The following KLF9 variants were observed in gnomAD, a reference collection of about 807,000 sequenced individuals.
KLF9 encodes Krueppel-like factor 9.
A neutral mutation model predicts 17.3 loss-of-function variants in KLF9; 2 were observed. The ratio of observed to expected loss-of-function variants is 0.12; its 90% CI spans 0.05 to 0.36. The LOEUF (loss-of-function observed/expected upper bound fraction) is 0.36, where lower values mean the gene tolerates loss of function less well. Ranked by LOEUF, KLF9 falls within the 10% of genes least tolerant of loss-of-function variation. The probability of loss-of-function intolerance (pLI) is 1.00; values close to 1 mark genes in which losing one functional copy is unlikely to be tolerated. For synonymous variants in KLF9, 138 were observed against 139.2 expected, an observed-to-expected ratio of 0.99 and a Z score of 0.06; for missense variants, 226 against 333.2, an observed-to-expected ratio of 0.68 and a Z score of 2.51.
At chr9:70,390,409 G>A (rs940301074) in intron 1 of KLF9, among the ~76,000 whole-genome samples, 3 of 152,012 alleles carry the variant, frequency 2.0e-5, no homozygotes, top group African/African-American at 7.2e-5. Flanking sequence ...AAAAAAAAGA[G>A]TTTCCCGTGA....
chr9:70,390,016 C>T lies in KLF9; in HGVS notation c.506-2011G>A, dbSNP rs572672993. Among the ~76,000 whole-genome samples the T allele has an allele frequency of 7.6e-4, 115 of 152,280 alleles. 1 individual carries two copies. The highest frequency in any genetic ancestry group is 2.6e-3 in the African/African-American group (110 of 41,556). On this transcript the variant is annotated intron_variant, in intron 1 of 1. Transcript: ENST00000377126. ...TCCAGCGTGGTGCATTTGAGTCATC[C>T]AAAATTATTCATTCTATTTTCCCCA...
chr9:70,399,985 A>G (rs2037210658), intron 1 of KLF9, among the ~76,000 whole-genome samples: 2 of 152,248 alleles, frequency 1.3e-5, no homozygotes, highest in African/African-American at 4.8e-5. Flanking sequence ...AAGAGCTGGT[A>G]GGACTGTATT....
intron 1 of KLF9, among the ~76,000 whole-genome samples, chr9:70,403,991 C>A (rs1200982156): frequency 6.6e-6 from 1 of 152,062 alleles, no homozygotes; most frequent in African/African-American, 2.4e-5. Context: ...CTCAAGGGGT[C>A]CAGATCAGCA....
intron 1 of KLF9, among the ~76,000 whole-genome samples, chr9:70,393,243 T>C (rs769658935): frequency 6.6e-6 from 1 of 152,238 alleles, no homozygotes; most frequent in Admixed American, 6.5e-5. Flanking sequence ...CCCCTGGCTA[T>C]GTGCTTGCCT....
In KLF9 at chr9:70,385,235, A is replaced by G. The variant is rs2037101599; in HGVS notation, c.*2541T>C. 6.5e-6 allele frequency: 1 copy of G among 152,698 alleles called. No homozygotes were observed. The highest frequency in any genetic ancestry group is 1.5e-5 in the Non-Finnish European group (1 of 68,052). 9.5% of individuals were successfully genotyped at this position (152,698 alleles called of 1,614,324 possible). ...GTTTTAGTGTTCAATGAACTCTAGT[A>G]GTCCTATTTGAACCATATCTTGATA... On this transcript the variant is annotated 3_prime_UTR_variant, in exon 2 of 2. Transcript: ENST00000377126.
At position 70,387,765 on chromosome 9, in the gene KLF9, CG is replaced by C. The variant is rs1766061381; in HGVS notation, c.*10del. The C allele has an allele frequency of 6.2e-7, 1 of 1,610,840 alleles. No individual in the cohort carries two copies. The highest frequency in any genetic ancestry group is 1.3e-5 in the African/African-American group (1 of 74,832). ...GGGGTCCATCCCTCCCTGGCTTCCA[CG>C]GGCAGCACCTCACAAAGCGTTGGCC... On this transcript the variant is annotated 3_prime_UTR_variant, in exon 2 of 2. Transcript: ENST00000377126.
chr9:70,388,877 C>T (rs967005359), intron 1 of KLF9, among the ~76,000 whole-genome samples: 4 of 152,198 alleles, frequency 2.6e-5, no homozygotes, highest in Admixed American at 2.0e-4. Context: ...TAATCCCTCA[C>T]GCCTGTAATC....
rs2037346109 is a variant in KLF9, at chr9:70,413,509, C to T, written c.-146G>A. 2.4e-6 allele frequency: 2 copies of T among 850,122 alleles called. No individual in the cohort carries two copies. Among genetic ancestry groups the T allele is most frequent in the Non-Finnish European group, 1.5e-6 (1 of 655,104 alleles). The allele number at this position is 850,122 out of a possible 1,614,324, so 52.7% of individuals were successfully genotyped here. On this transcript the variant is annotated 5_prime_UTR_variant, in exon 1 of 2. Coordinates refer to ENST00000377126, the MANE Select transcript of KLF9 (RefSeq NM_001206.4). The surrounding 1 kb of genome is among the most constrained non-coding windows in gnomAD (Gnocchi z 5.6). ...AAGGGGGCGGGGGCGCGGGGCGCTT[C>T]CGACTCGCAGGAGCGCCGAGGCGAC... is the stretch of plus-strand genomic sequence containing the variant.
At chr9:70,391,253 T>C (rs1431417759) in intron 1 of KLF9, among the ~76,000 whole-genome samples, 1 of 152,194 alleles carries the variant, frequency 6.6e-6, no homozygotes, top group Non-Finnish European at 1.5e-5. Context: ...CATGGAAAAC[T>C]GGCATGAAGC....
At chr9:70,409,058 GTGTATATATATGTGTATATA>G (rs1564089174) in intron 1 of KLF9, among the ~76,000 whole-genome samples, 2 of 79,652 alleles carry the variant, frequency 2.5e-5, no homozygotes, top group African/African-American at 8.2e-5. Context: ...ATACATATAT[GTGTATATATATGTGTATATA>G]TATACACATA....
In KLF9 at chr9:70,413,390, C is replaced by T. The variant is rs1462760165; in HGVS notation, c.-27G>A. On this transcript the variant is annotated 5_prime_UTR_variant, in exon 1 of 2. Transcript: ENST00000377126. This position sits in a 1 kb window ranked among gnomAD's most constrained non-coding sequence, Gnocchi z 5.6. ...GTGCGGGCGACGGCAGCCCAGGCGGCGCGGACAAACTTGGCGGTGGCTGCG... is the reference window on the plus strand; with the variant it reads ...GTGCGGGCGACGGCAGCCCAGGCGGTGCGGACAAACTTGGCGGTGGCTGCG... 14 of 1,466,444 alleles carry T rather than the reference C, an allele frequency of 9.5e-6. No individual in the cohort carries two copies. The highest frequency in any genetic ancestry group is 1.2e-5 in the Non-Finnish European group (13 of 1,111,124). 90.8% of individuals were successfully genotyped at this position (1,466,444 alleles called of 1,614,324 possible). A position where few individuals can be genotyped will look rare whatever the true frequency, so the allele number is the denominator to read the frequency against.
At chr9:70,400,471 C>T (rs186080159) in intron 1 of KLF9, among the ~76,000 whole-genome samples, 52 of 152,118 alleles carry the variant, frequency 3.4e-4, no homozygotes, top group Admixed American at 6.5e-4. Context: ...CAAGGGACCC[C>T]GAATTAGAGA....
chr9:70,399,827 CAG>C (rs773036000), intron 1 of KLF9, among the ~76,000 whole-genome samples: 2 of 152,174 alleles, frequency 1.3e-5, no homozygotes, highest in African/African-American at 2.4e-5. Context: ...TGCATTGCCT[CAG>C]GGGGATCAGA....
At chr9:70,390,913 G>C (rs529526496) in intron 1 of KLF9, among the ~76,000 whole-genome samples, 1 of 152,274 alleles carries the variant, frequency 6.6e-6, no homozygotes, top group South Asian at 2.1e-4. Context: ...CTCTCTGCTC[G>C]GTCCTTTTTG....
At chr9:70,395,355 G>A (rs1332976293) in intron 1 of KLF9, among the ~76,000 whole-genome samples, 4 of 151,902 alleles carry the variant, frequency 2.6e-5, no homozygotes, top group Non-Finnish European at 5.9e-5. Context: ...AAAAAATAAA[G>A]CCATAACGAT....
At chr9:70,411,288 G>T (rs2037310718) in intron 1 of KLF9, among the ~76,000 whole-genome samples, 1 of 152,172 alleles carries the variant, frequency 6.6e-6, no homozygotes, top group Non-Finnish European at 1.5e-5. Flanking sequence ...AGTGGGTGTC[G>T]ATGGGAACAA....
chr9:70,397,967 G>C (rs1413517849), intron 1 of KLF9, among the ~76,000 whole-genome samples: 3 of 152,164 alleles, frequency 2.0e-5, no homozygotes, highest in Non-Finnish European at 4.4e-5. Context: ...CCTGGGTACA[G>C]AGAAGTCCAC....
At chr9:70,412,440 C>CTCGG (rs2037327632) in intron 1 of KLF9, among the ~76,000 whole-genome samples, 3 of 152,176 alleles carry the variant, frequency 2.0e-5, no homozygotes, top group African/African-American at 4.8e-5. Flanking sequence ...CGCGTCCCCC[C>CTCGG]TCGGTTTCAA....
Position 70,387,774 on chromosome 9 carries a change from C to T in KLF9, c.*2G>A. On this transcript the variant is annotated 3_prime_UTR_variant, in exon 2 of 2. Coordinates refer to ENST00000377126, the MANE Select transcript of KLF9 (RefSeq NM_001206.4). ...CCCTCCCTGGCTTCCACGGGCAGCA[C>T]CTCACAAAGCGTTGGCCAGCGCCTT... The T allele has an allele frequency of 6.2e-7, 1 of 1,613,578 alleles. No homozygotes were observed. Among genetic ancestry groups the T allele is most frequent in the Non-Finnish European group, 8.5e-7 (1 of 1,179,652 alleles).
Sources: allele counts gnomAD v4.1 joint callset (sites outside exome capture counted in the v4.1 genomes callset), GRCh38; gene constraint gnomAD v4.1.1; non-coding constraint Gnocchi (gnomAD v3.1); transcripts MANE v1.5; gene names NCBI Gene and HGNC (gene_info 2026-07-23, HGNC 2026-07-21).